Variants in CPED1 observed in about 807,000 individuals in gnomAD.
CPED1 encodes cadherin like and PC-esterase domain containing 1.
A neutral mutation model predicts 128.2 loss-of-function variants in CPED1; 114 were observed. The observed-to-expected ratio is 0.89, with a 90% CI of 0.76 to 1.04. The LOEUF (loss-of-function observed/expected upper bound fraction) is 1.04. CPED1 is among the 50% of genes least tolerant of loss of function. CPED1 has a pLI of 0.00. For missense variants in CPED1, 1,211 were observed against 1,207.1 expected (o/e 1.00, Z -0.05); for synonymous variants, 462 against 426.7 (o/e 1.08, Z -1.02).
chr7:121,048,426 A>G (rs1269202746), intron 4 of CPED1, among the ~76,000 whole-genome samples: 1 of 152,200 alleles, frequency 6.6e-6, no homozygotes, highest in Admixed American at 6.5e-5. Flanking sequence ...ATCTCCTAAG[A>G]TAGAAGGGCC....
intron 5 of CPED1, among the ~76,000 whole-genome samples, chr7:121,094,696 G>A (rs1794657179): frequency 6.6e-6 from 1 of 152,122 alleles, no homozygotes; most frequent in South Asian, 2.1e-4. Context: ...TTAATTGTTG[G>A]TAGACAAGAA....
chr7:121,030,536 C>A (rs1291607943), intron 3 of CPED1, among the ~76,000 whole-genome samples: 5 of 152,180 alleles, frequency 3.3e-5, no homozygotes, highest in African/African-American at 1.2e-4. Flanking sequence ...TGCCCCCTAC[C>A]CTTTGAGTCA....
intron 5 of CPED1, among the ~76,000 whole-genome samples, chr7:121,096,588 A>G (rs1202710053): frequency 6.6e-6 from 1 of 152,188 alleles, no homozygotes; most frequent in African/African-American, 2.4e-5. Flanking sequence ...CCACTAGACA[A>G]ACTTGTAAAA....
At chr7:121,264,092 G>A (rs936955295) in intron 18 of CPED1, among the ~76,000 whole-genome samples, 8 of 152,038 alleles carry the variant, frequency 5.3e-5, no homozygotes, top group Non-Finnish European at 1.2e-4. Flanking sequence ...AGCCACAGAG[G>A]AAAGACACAA....
chr7:121,136,076 T>C lies in CPED1; in HGVS notation c.1685T>C (p.Ile562Thr). ...CAAATTAAAAATGAAAATAAAGAAA[T>C]ACATTGCAGTGATGGTGAGTTGAGA... ...VPQIKNENKEIHCSDDENTPC... is the reference protein window; with the variant it reads ...VPQIKNENKETHCSDDENTPC... Residue 562 changes from isoleucine to threonine, a missense_variant, in exon 14 of 23, where the codon ATA becomes ACA. By Grantham distance (89) the Ile-to-Thr change is moderately conservative. Transcript: ENST00000310396. The C allele has an allele frequency of 6.5e-7, 1 of 1,545,882 alleles. No homozygotes were observed. The highest frequency in any genetic ancestry group is 8.7e-7 in the Non-Finnish European group (1 of 1,154,608).
At chr7:121,064,498 G>A (rs542981619) in intron 5 of CPED1, among the ~76,000 whole-genome samples, 185 bp downstream of exon 5, 2 of 152,252 alleles carry the variant, frequency 1.3e-5, no homozygotes, top group South Asian at 4.1e-4. Context: ...AATAACAACC[G>A]TAACGTAACA....
chr7:121,004,939 T>C (rs552612822), intron 2 of CPED1, among the ~76,000 whole-genome samples: 1 of 152,204 alleles, frequency 6.6e-6, no homozygotes, highest in Non-Finnish European at 1.5e-5. Context: ...ATGTATGACA[T>C]CATGCCCCTA....
At chr7:121,137,686 G>A (rs1166264478) in intron 14 of CPED1, among the ~76,000 whole-genome samples, 1 of 152,034 alleles carries the variant, frequency 6.6e-6, no homozygotes, top group African/African-American at 2.4e-5. Context: ...AAGATAGCAA[G>A]TATTACTTAT....
chr7:121,180,841 A>G (rs1483774631), intron 16 of CPED1, among the ~76,000 whole-genome samples: 1 of 152,016 alleles, frequency 6.6e-6, no homozygotes, highest in Non-Finnish European at 1.5e-5. Context: ...ACTAAAAGTA[A>G]TGTTCTTAGT....
chr7:121,004,778 G>GAATGT, intron 2 of CPED1, among the ~76,000 whole-genome samples: 1 of 152,224 alleles, frequency 6.6e-6, no homozygotes, highest in African/African-American at 2.4e-5. Context: ...GATAAACAGA[G>GAATGT]AATGTAATGT....
chr7:121,097,996 T>TAA (rs111997746), intron 6 of CPED1, among the ~76,000 whole-genome samples, 165 bp downstream of exon 6: 209 of 152,342 alleles, frequency 1.4e-3, no homozygotes, highest in African/African-American at 4.5e-3. Context: ...ATCATTGACT[T>TAA]TCTCCTAGAT....
At chr7:121,126,595 C>A (rs1357245372) in intron 9 of CPED1, among the ~76,000 whole-genome samples, 2 of 152,032 alleles carry the variant, frequency 1.3e-5, no homozygotes, top group East Asian at 1.9e-4. Context: ...TATAACATTT[C>A]TGTGTCCTCA....
chr7:121,272,903 G>T lies in CPED1; in HGVS notation c.2868+1473G>T, dbSNP rs145356132. On this transcript the variant is annotated intron_variant, in intron 22 of 22. Coordinates refer to ENST00000310396, the MANE Select transcript of CPED1 (RefSeq NM_024913.5). Reference sequence around the variant, plus strand: ...AAAGCTCACACAGAAATTCCATCCCGTCCTTCCTCTTTGTCTCACAACTCT... The same window carrying T: ...AAAGCTCACACAGAAATTCCATCCCTTCCTTCCTCTTTGTCTCACAACTCT... Among the ~76,000 whole-genome samples, 147 of 152,144 alleles carry T rather than the reference G, an allele frequency of 9.7e-4. 1 individual carries two copies. Among genetic ancestry groups the T allele is most frequent in the African/African-American group, 3.4e-3 (141 of 41,540 alleles).
At chr7:121,127,599 G>A (rs1464476007) in intron 10 of CPED1, among the ~76,000 whole-genome samples, 2 of 146,734 alleles carry the variant, frequency 1.4e-5, no homozygotes, top group East Asian at 2.0e-4. Context: ...GCAGTGGCAC[G>A]ATCTTGACTC....
chr7:121,156,106 A>G (rs952875964), intron 16 of CPED1, among the ~76,000 whole-genome samples: 9 of 152,174 alleles, frequency 5.9e-5, no homozygotes, highest in Non-Finnish European at 1.3e-4. Context: ...CAACATACTA[A>G]CCATCAGAGA....
At chr7:121,115,998 G>A (rs1795227061) in intron 7 of CPED1, among the ~76,000 whole-genome samples, 1 of 152,040 alleles carries the variant, frequency 6.6e-6, no homozygotes, top group Admixed American at 6.6e-5. Context: ...TTCTAAGAAG[G>A]TTGAATATAA....
chr7:121,147,550 T>G (rs1385832266), intron 16 of CPED1, among the ~76,000 whole-genome samples: 1 of 152,136 alleles, frequency 6.6e-6, no homozygotes, highest in Non-Finnish European at 1.5e-5. Flanking sequence ...AGGGGAATGT[T>G]TCTTTTAATA....
intron 16 of CPED1, among the ~76,000 whole-genome samples, chr7:121,179,944 T>C (rs1007577359): frequency 1.3e-5 from 2 of 152,120 alleles, no homozygotes; most frequent in Admixed American, 6.6e-5. Context: ...ATGATTGCAC[T>C]GTGTTCTGTG....
At chr7:121,041,755 T>TAA (rs1793059003) in intron 3 of CPED1, among the ~76,000 whole-genome samples, 1 of 152,190 alleles carries the variant, frequency 6.6e-6, no homozygotes, top group African/African-American at 2.4e-5. Context: ...AAATTGCTCT[T>TAA]ACTTTTAACA....
Sources: allele counts gnomAD v4.1 joint callset (sites outside exome capture counted in the v4.1 genomes callset), GRCh38; gene constraint gnomAD v4.1.1; transcripts MANE v1.5; gene names NCBI Gene and HGNC (gene_info 2026-07-23, HGNC 2026-07-21).